GABRA3: variants seen among roughly 807,000 people sequenced by gnomAD.
GABRA3 encodes gamma-aminobutyric acid receptor subunit alpha-3.
Under a neutral mutation model 30.1 loss-of-function variants are expected in GABRA3, and 10 were observed. The observed-to-expected ratio is 0.33, with a 90% CI of 0.20 to 0.56. The LOEUF (loss-of-function observed/expected upper bound fraction) is 0.56, where lower values mean the gene tolerates loss of function less well. Among genes scored for constraint, GABRA3 ranks in the 20% least tolerant of loss-of-function variants. The pLI is 0.89. For synonymous variants in GABRA3, 151 were observed against 146.8 expected (o/e 1.03, Z -0.21); for missense variants, 233 against 392.0 (o/e 0.59, Z 3.42).
intron 2 of GABRA3, among the ~76,000 whole-genome samples, chrX:152,356,658 C>T (rs1940554248): frequency 9.0e-6 from 1 of 111,012 alleles, no homozygotes. Flanking sequence ...AATTATATGT[C>T]ATGAGGGTTG....
At chrX:152,191,971 A>C (rs1470733029) in intron 8 of GABRA3, among the ~76,000 whole-genome samples, 4 of 112,000 alleles carry the variant, frequency 3.6e-5, no homozygotes, top group Non-Finnish European at 7.5e-5. Context: ...ATACCAACCA[A>C]GTAGTTACTT....
In GABRA3 at chrX:152,448,760, T is replaced by C. The variant is rs187506726; in HGVS notation, c.-27+2386A>G. On this transcript the variant is annotated intron_variant, in intron 1 of 9. Coordinates refer to ENST00000370314, the MANE Select transcript of GABRA3 (RefSeq NM_000808.4). ...TTAGAAAATTTCATAATTTTCTTTA[T>C]GAAAATTCCTGCCACTCAAATCTTC... is the stretch of plus-strand genomic sequence containing the variant. Among the ~76,000 whole-genome samples the C allele has an allele frequency of 4.1e-3, 457 of 111,948 alleles. 1 individual carries two copies. The highest frequency in any genetic ancestry group is 0.014 in the African/African-American group (420 of 30,849).
intron 9 of GABRA3, among the ~76,000 whole-genome samples, chrX:152,171,951 G>A (rs1042294649): frequency 4.5e-5 from 5 of 111,677 alleles, no homozygotes; most frequent in Non-Finnish European, 9.4e-5. Flanking sequence ...GTCTCTAAAG[G>A]TGAAGCTCAA....
chrX:152,414,671 T>C (rs1463250680), intron 1 of GABRA3, among the ~76,000 whole-genome samples: 1 of 110,497 alleles, frequency 9.1e-6, no homozygotes, highest in Admixed American at 9.7e-5. Context: ...GATCCAGCAA[T>C]AACACTCCTT....
At chrX:152,286,145 T>C (rs1939291845) in intron 3 of GABRA3, among the ~76,000 whole-genome samples, 1 of 101,857 alleles carries the variant, frequency 9.8e-6, no homozygotes, top group South Asian at 4.7e-4. Context: ...ATAAGTTATA[T>C]ACTTATATAC....
chrX:152,211,475 A>G (rs887468592), intron 6 of GABRA3, among the ~76,000 whole-genome samples: 1 of 111,483 alleles, frequency 9.0e-6, no homozygotes, highest in Non-Finnish European at 1.9e-5. Context: ...AGAAAAAAAT[A>G]CCCTCTTCTC....
intron 1 of GABRA3, among the ~76,000 whole-genome samples, chrX:152,383,761 G>A (rs897379349): frequency 6.4e-5 from 7 of 108,834 alleles, no homozygotes; most frequent in African/African-American, 2.0e-4. Flanking sequence ...TCTCGACAGC[G>A]AAAAGTTAAA....
chrX:152,218,325 C>T (rs1044393210), intron 6 of GABRA3, among the ~76,000 whole-genome samples: 1 of 110,626 alleles, frequency 9.0e-6, no homozygotes, highest in South Asian at 3.8e-4. Flanking sequence ...AGAAAATGTA[C>T]TTTGTATGGT....
At chrX:152,246,309 T>C (rs769115659) in intron 5 of GABRA3, among the ~76,000 whole-genome samples, 1 of 111,937 alleles carries the variant, frequency 8.9e-6, no homozygotes, top group Non-Finnish European at 1.9e-5. Flanking sequence ...AGTTTCTTGC[T>C]TGGAGAATAA....
chrX:152,277,445 T>C (rs1309863172), intron 4 of GABRA3, among the ~76,000 whole-genome samples: 2 of 111,395 alleles, frequency 1.8e-5, no homozygotes, highest in Non-Finnish European at 3.8e-5. Context: ...GGTCAGTTCT[T>C]TTATTGTATT....
At chrX:152,315,233 C>T in intron 3 of GABRA3, among the ~76,000 whole-genome samples, 1 of 111,587 alleles carries the variant, frequency 9.0e-6, no homozygotes, top group Non-Finnish European at 1.9e-5. Context: ...CACACACCCT[C>T]ACTGAGGAAC....
chrX:152,424,465 TCTCCTTCTAATC>T (rs1930462959), intron 1 of GABRA3, among the ~76,000 whole-genome samples: 1 of 111,754 alleles, frequency 8.9e-6, no homozygotes, highest in Non-Finnish European at 1.9e-5. Flanking sequence ...TCTACTGTTG[TCTCCTTCTAATC>T]CATCCTACAC....
chrX:152,275,289 A>AAATATATATAATATATAATATAT (rs1939045299), intron 4 of GABRA3, among the ~76,000 whole-genome samples: 1 of 63,171 alleles, frequency 1.6e-5, no homozygotes, highest in African/African-American at 7.5e-5. Flanking sequence ...AATTATATAT[A>AAATATATATAATATATAATATAT]ATTTAATATT....
intron 3 of GABRA3, among the ~76,000 whole-genome samples, chrX:152,302,232 G>A (rs1286050468): frequency 9.2e-6 from 1 of 109,247 alleles, no homozygotes; most frequent in Non-Finnish European, 1.9e-5. Context: ...ATCTAAACAC[G>A]CCAATTAAAG....
At chrX:152,257,046 A>C (rs1490963668) in intron 4 of GABRA3, among the ~76,000 whole-genome samples, 4 of 111,250 alleles carry the variant, frequency 3.6e-5, no homozygotes, top group Non-Finnish European at 7.5e-5. Context: ...GCTGATCACT[A>C]TACTACACAC....
At chrX:152,355,996 T>A (rs1348600706) in intron 2 of GABRA3, among the ~76,000 whole-genome samples, 1 of 111,701 alleles carries the variant, frequency 9.0e-6, no homozygotes, top group Admixed American at 9.5e-5. Flanking sequence ...CAATTTTCCT[T>A]TCTGGGCTTC....
At chrX:152,408,482 CAAATA>C (rs1434115911) in intron 1 of GABRA3, among the ~76,000 whole-genome samples, 2 of 110,696 alleles carry the variant, frequency 1.8e-5, no homozygotes, top group Admixed American at 1.9e-4. Flanking sequence ...ACAATAGCTA[CAAATA>C]AAATAAAATA....
chrX:152,199,803 A>G (rs943901420), intron 7 of GABRA3, among the ~76,000 whole-genome samples: 16 of 108,922 alleles, frequency 1.5e-4, no homozygotes, highest in Admixed American at 1.3e-3. Context: ...TCTCTCTCTC[A>G]CTTGCTCTCC....
At chrX:152,229,260 G>A in intron 5 of GABRA3, among the ~76,000 whole-genome samples, 1 of 111,302 alleles carries the variant, frequency 9.0e-6, no homozygotes, top group South Asian at 3.8e-4. Context: ...TCGCAATACA[G>A]GGGTTGGCCT....
Sources: allele counts gnomAD v4.1 joint callset (sites outside exome capture counted in the v4.1 genomes callset), GRCh38; gene constraint gnomAD v4.1.1; transcripts MANE v1.5; gene names NCBI Gene and HGNC (gene_info 2026-07-23, HGNC 2026-07-21).